The following PLEKHM2 variants were observed in gnomAD, a reference collection of about 807,000 sequenced individuals.
PLEKHM2 encodes pleckstrin homology and RUN domain containing M2.
A neutral mutation model predicts 116.3 loss-of-function variants in PLEKHM2; 77 were observed. The ratio of observed to expected loss-of-function variants is 0.66; its 90% confidence interval spans 0.55 to 0.80. The LOEUF (loss-of-function observed/expected upper bound fraction) is 0.80. Ranked by LOEUF, PLEKHM2 falls within the 30% of genes least tolerant of loss-of-function variation. The probability of loss-of-function intolerance (pLI) is 0.00; values close to 1 mark genes in which losing one functional copy is unlikely to be tolerated. For synonymous variants in PLEKHM2, 562 were observed against 571.0 expected, an observed-to-expected ratio of 0.98 and a Z score of 0.22; for missense variants, 1,183 against 1,354.9, an observed-to-expected ratio of 0.87 and a Z score of 1.99.
chr1:15,700,212 C>T (rs1176360733), intron 1 of PLEKHM2, among the ~76,000 whole-genome samples: 1 of 152,024 alleles, frequency 6.6e-6, no homozygotes, highest in Non-Finnish European at 1.5e-5. Context: ...GCTGCTCTGC[C>T]CTGCTCAGTT....
rs537454418 is a variant in PLEKHM2, at chr1:15,726,144, C to T, written c.941+599C>T. On this transcript the variant is annotated intron_variant, in intron 8 of 19. Transcript: ENST00000375799. ...CAGGCTGCCAGGGCGTTTGCTGGGT[C>T]TGCCTAAGATCAGAAAGCACCTTCA... 2.0e-5 allele frequency among the ~76,000 whole-genome samples: 3 copies of T among 152,358 alleles called. No individual in the cohort carries two copies. In the South Asian group the frequency reaches 6.2e-4, roughly 32 times the overall value.
rs745574039 is a variant in PLEKHM2, at chr1:15,684,502, CGGCGGCGG to C, written c.-48_-41del. Reference sequence around the variant, plus strand: ...GGCCCCCGGCCCCCGGCGCGGGAAGCGGCGGCGGGGCGGCGGCGGCGGTGGCGGTGGCG... The same window carrying C: ...GGCCCCCGGCCCCCGGCGCGGGAAGCGGCGGCGGCGGCGGTGGCGGTGGCG... On this transcript the variant is annotated 5_prime_UTR_variant, in exon 1 of 20. Transcript: ENST00000375799. The C allele has an allele frequency of 5.4e-6, 5 of 927,084 alleles. No individual in the cohort carries two copies. The highest frequency in any genetic ancestry group is 5.1e-6 in the Non-Finnish European group (4 of 789,796). 57.4% of individuals were successfully genotyped at this position (927,084 alleles called of 1,614,324 possible).
chr1:15,688,629 G>A (rs1181647244), intron 1 of PLEKHM2, among the ~76,000 whole-genome samples: 2 of 140,824 alleles, frequency 1.4e-5, no homozygotes, highest in African/African-American at 5.4e-5. Flanking sequence ...CAGCGTGGGT[G>A]ACAGAGGGAG....
chr1:15,727,654 G>T lies in PLEKHM2; in HGVS notation c.1582G>T (p.Glu528Ter). Residue 528 changes from glutamate (E) to a stop codon, truncating the protein, a stop_gained, in exon 9 of 20, where the codon GAG becomes TAG. Transcript: ENST00000375799. LOFTEE classifies it high-confidence loss of function. This position sits in a 1 kb window ranked among gnomAD's most constrained non-coding sequence, Gnocchi z 7.5. ...EDTTREAQEL[E>*]AQLSLVREGP... ...TACCACGAGGGAGGCTCAGGAGCTG[G>T]AGGCCCAGCTGTCCCTGGTCAGGGA... is the stretch of plus-strand genomic sequence containing the variant. 6.3e-7 allele frequency: 1 copy of T among 1,594,418 alleles called. No individual in the cohort carries two copies.
At position 15,725,568 on chromosome 1, in the gene PLEKHM2, A is replaced by G. The variant is rs774929215; in HGVS notation, c.941+23A>G. The G allele has an allele frequency of 2.7e-5, 41 of 1,513,226 alleles. 2 individuals carry two copies. The South Asian group carries it at 4.4e-4, about 16-fold the overall frequency. 93.7% of individuals were successfully genotyped at this position (1,513,226 alleles called of 1,614,324 possible). A position where few individuals can be genotyped will look rare whatever the true frequency, so the allele number is the denominator to read the frequency against. ...CAGGTCAGCAGGGAGGGGCCCAGAA[A>G]GGAGCTGAGGTCCTGGGGTCCAACC... On this transcript the variant is annotated intron_variant, in intron 8 of 19. Transcript: ENST00000375799.
chr1:15,729,148 G>A lies in PLEKHM2; in HGVS notation c.2033G>A (p.Arg678Lys). The change falls in exon 13 of 20, where the codon AGG (arginine) becomes AAG (lysine). Residue 678 changes from arginine (R) to lysine (K), a missense_variant. By Grantham distance (26) the Arg-to-Lys change is conservative. Around this residue, in one of 3 missense-constraint regions of PLEKHM2, gnomAD observed 594 missense variants for 720.1 expected, o/e 0.82. Transcript: ENST00000375799. This position sits in a 1 kb window ranked among gnomAD's most constrained non-coding sequence, Gnocchi z 4.7. The part of the protein sequence containing the change: ...QTVKLVCTNR[R>K]KQFLLDTADV... ...GTGAAGCTGGTGTGCACCAACCGCAGGAAGCAGTTTCTGCTGGACACGGCT... is the reference window on the plus strand; with the variant it reads ...GTGAAGCTGGTGTGCACCAACCGCAAGAAGCAGTTTCTGCTGGACACGGCT... 5 of 1,612,212 alleles carry A rather than the reference G, an allele frequency of 3.1e-6. No individual in the cohort carries two copies. In the African/African-American group the frequency reaches 5.3e-5, roughly 17 times the overall value.
At chr1:15,714,828 G>C (rs1372062959) in intron 1 of PLEKHM2, among the ~76,000 whole-genome samples, 1 of 152,244 alleles carries the variant, frequency 6.6e-6, no homozygotes, top group Non-Finnish European at 1.5e-5. Flanking sequence ...AAGGGCAGTA[G>C]CAGAACAGGA....
intron 1 of PLEKHM2, among the ~76,000 whole-genome samples, chr1:15,692,123 A>G (rs1286396913): frequency 6.6e-6 from 1 of 151,920 alleles, no homozygotes; most frequent in Non-Finnish European, 1.5e-5. Context: ...GGCGGGGGAA[A>G]AAAAAAATTA....
intron 1 of PLEKHM2, among the ~76,000 whole-genome samples, chr1:15,705,547 C>T (rs72647150): frequency 0.04 from 6,130 of 152,158 alleles, 173 homozygotes; most frequent in Middle Eastern, 0.1. Flanking sequence ...GATCCAGAAA[C>T]GGCTGCCGTC....
intron 14 of PLEKHM2, among the ~76,000 whole-genome samples, 182 bp from the exon 15 acceptor site, chr1:15,730,347 CAGG>C (rs1166189890): frequency 6.6e-6 from 1 of 152,200 alleles, no homozygotes; most frequent in Non-Finnish European, 1.5e-5. Context: ...GAGGCTGAGG[CAGG>C]AGAATTGCTT....
chr1:15,731,089 C>A, intron 15 of PLEKHM2, 103 bp from the exon 16 acceptor site: 1 of 839,612 alleles, frequency 1.2e-6, no homozygotes, highest in South Asian at 1.4e-5. Context: ...GCCTCAGGTT[C>A]ATGGCCGCAG....
chr1:15,692,824 C>G (rs1251623943), intron 1 of PLEKHM2, among the ~76,000 whole-genome samples: 1 of 152,138 alleles, frequency 6.6e-6, no homozygotes, highest in Non-Finnish European at 1.5e-5. Context: ...ACTGCAACCT[C>G]CTTCTCCCTG....
chr1:15,726,084 A>G (rs1024695659), intron 8 of PLEKHM2, among the ~76,000 whole-genome samples: 2 of 152,226 alleles, frequency 1.3e-5, no homozygotes, highest in African/African-American at 4.8e-5. Flanking sequence ...CAGGTGGCAC[A>G]GGCAGCGACC....
rs916422947 is a variant in PLEKHM2, at chr1:15,725,444, G to A, written c.840G>A (p.Val280=). The part of the protein sequence containing the change: ...NPFNEEPAET[V]SSSDTTPVHT... ...TCAACGAGGAGCCGGCAGAGACTGT[G>A]TCCTCCTCTGACACCACCCCCGTGC... The change falls in exon 8 of 20, where the codon GTG becomes GTA. Residue 280 remains valine, a synonymous_variant. Coordinates refer to ENST00000375799, the MANE Select transcript of PLEKHM2 (RefSeq NM_015164.4). The A allele has an allele frequency of 6.4e-7, 1 of 1,568,540 alleles. No homozygotes were observed. Among genetic ancestry groups the A allele is most frequent in the Admixed American group, 1.9e-5 (1 of 53,566 alleles).
intron 1 of PLEKHM2, among the ~76,000 whole-genome samples, chr1:15,701,528 G>T (rs1453922209): frequency 6.6e-6 from 1 of 151,926 alleles, no homozygotes; most frequent in Non-Finnish European, 1.5e-5. Flanking sequence ...GGTGGCTCAC[G>T]CCTGTAATCC....
rs1641446497 is a variant in PLEKHM2, at chr1:15,716,343, G to T, written c.167G>T (p.Gly56Val). The change falls in exon 2 of 20, where the codon GGA becomes GTA. Residue 56 changes from glycine (G) to valine (V), a missense_variant and splice_region_variant. Gly to Val is a moderately radical substitution (Grantham distance 109). Transcript: ENST00000375799. Reference protein sequence around the residue: ...CEHLDHALLYGLQDLSSGYWV... With the variant: ...CEHLDHALLYVLQDLSSGYWV... ...CACCTGGACCACGCCCTGCTGTACGGGTAAGGTGGAGGAAGTTTCCAAAGA... is the reference window on the plus strand; with the variant it reads ...CACCTGGACCACGCCCTGCTGTACGTGTAAGGTGGAGGAAGTTTCCAAAGA... 6.3e-7 allele frequency: 1 copy of T among 1,578,752 alleles called. No homozygotes were observed. The highest frequency in any genetic ancestry group is 8.6e-7 in the Non-Finnish European group (1 of 1,157,708).
In PLEKHM2 at chr1:15,721,248, C is replaced by T; in HGVS notation, c.653-81C>T. On this transcript the variant is annotated intron_variant, in intron 6 of 19. Transcript: ENST00000375799. The surrounding 1 kb of genome is among the most constrained non-coding windows in gnomAD (Gnocchi z 5.1). ...TCCTATTTTCTCCCCATGTCTCCCA[C>T]CCCATTTCCCCTCCCCTCCCTCCAG... 2.7e-6 allele frequency: 2 copies of T among 741,548 alleles called. No individual in the cohort carries two copies. Among genetic ancestry groups the T allele is most frequent in the East Asian group, 2.8e-5 (1 of 35,100 alleles). 45.9% of individuals were successfully genotyped at this position (741,548 alleles called of 1,614,324 possible).
In PLEKHM2 at chr1:15,725,355, A is replaced by G. The variant is rs2148368675; in HGVS notation, c.751A>G (p.Thr251Ala). ...AGACACGGTCAGTGGTCCCCGCTCCACAGCCTCCGACCTGACCAGCAGCAA... is the reference window on the plus strand; with the variant it reads ...AGACACGGTCAGTGGTCCCCGCTCCGCAGCCTCCGACCTGACCAGCAGCAA... ...LTDTVSGPRS[T>A]ASDLTSSKAS... The change falls in exon 8 of 20, where the codon ACA (threonine) becomes GCA (alanine). Residue 251 changes from threonine to alanine, a missense_variant. By Grantham distance (58) the Thr-to-Ala change is moderately conservative. Coordinates refer to ENST00000375799, the MANE Select transcript of PLEKHM2 (RefSeq NM_015164.4). 2 of 1,551,394 alleles carry G rather than the reference A, an allele frequency of 1.3e-6. No homozygotes were observed. The highest frequency in any genetic ancestry group is 1.4e-5 in the African/African-American group (1 of 73,166).
intron 4 of PLEKHM2, 81 bp downstream of exon 4, chr1:15,718,073 AG>A: frequency 1.1e-6 from 1 of 877,266 alleles, no homozygotes; most frequent in South Asian, 1.5e-5. Context: ...TCATGCAGAC[AG>A]CACAGTGTGC....
Sources: allele counts gnomAD v4.1 joint callset (sites outside exome capture counted in the v4.1 genomes callset), GRCh38; gene constraint gnomAD v4.1.1; regional missense constraint gnomAD v4.1.1; non-coding constraint Gnocchi (gnomAD v3.1); transcripts MANE v1.5; gene names NCBI Gene and HGNC (gene_info 2026-07-23, HGNC 2026-07-21).